The following IGF2BP3 variants were observed in gnomAD, a reference collection of about 807,000 sequenced individuals.
IGF2BP3 encodes insulin-like growth factor 2 mRNA-binding protein 3.
A neutral mutation model predicts 73.8 loss-of-function variants in IGF2BP3; 9 were observed. The observed-to-expected ratio is 0.12, with a 90% CI of 0.07 to 0.21. The LOEUF (loss-of-function observed/expected upper bound fraction) is 0.21, where lower values mean the gene tolerates loss of function less well. Among genes scored for constraint, IGF2BP3 ranks in the 10% least tolerant of loss-of-function variants. The probability of loss-of-function intolerance (pLI) is 1.00; values close to 1 mark genes in which losing one functional copy is unlikely to be tolerated. For synonymous variants in IGF2BP3, 258 were observed against 256.7 expected (o/e 1.01, Z -0.05); for missense variants, 542 against 714.0 (o/e 0.76, Z 2.75).
chr7:23,356,625 A>C (rs774843738), intron 5 of IGF2BP3, among the ~76,000 whole-genome samples: 5 of 152,168 alleles, frequency 3.3e-5, no homozygotes, highest in Non-Finnish European at 5.9e-5. Context: ...TTATTCCCAG[A>C]TATCACCCTG....
intron 2 of IGF2BP3, among the ~76,000 whole-genome samples, chr7:23,425,644 T>C (rs1202356366): frequency 6.6e-6 from 1 of 152,156 alleles, no homozygotes; most frequent in Admixed American, 6.5e-5. Flanking sequence ...TAATGTATAA[T>C]TTGTTTATAT....
At position 23,470,052 on chromosome 7, in the gene IGF2BP3, C is replaced by A. The variant is rs751758650; in HGVS notation, c.59G>T (p.Ser20Ile). 1 of 1,611,472 alleles carries A rather than the reference C, an allele frequency of 6.2e-7. No homozygotes were observed. The highest frequency in any genetic ancestry group is 1.1e-5 in the South Asian group (1 of 90,780). Residue 20 changes from serine (S) to isoleucine (I), a missense_variant, in exon 1 of 15, where the codon AGT becomes ATT. By Grantham distance (142) the Ser-to-Ile change is moderately radical. This residue lies in a region of IGF2BP3 where 239 missense variants were observed against 241.9 expected (regional missense o/e 0.99). Transcript: ENST00000258729. Reference sequence around the variant, plus strand: ...CGGGATCTTGGCGTCCTTGAAGATACTTTCTAGGTCCGAGGGGGCGGCGTT... The same window carrying A: ...CGGGATCTTGGCGTCCTTGAAGATAATTTCTAGGTCCGAGGGGGCGGCGTT... ...SENAAPSDLE[S>I]IFKDAKIPVS...
chr7:23,345,864 G>T, intron 8 of IGF2BP3, 76 bp downstream of exon 8: 1 of 1,510,300 alleles, frequency 6.6e-7, no homozygotes. Flanking sequence ...TGTAAAGTGG[G>T]AAGCTAAGCC....
Position 23,469,874 on chromosome 7 carries a change from G to A in IGF2BP3, c.175+62C>T, listed in dbSNP as rs1788673420. 9 of 1,219,424 alleles carry A rather than the reference G, an allele frequency of 7.4e-6. No homozygotes were observed. Among genetic ancestry groups the A allele is most frequent in the Middle Eastern group, 3.1e-4 (1 of 3,244 alleles). The allele number at this position is 1,219,424 out of a possible 1,614,324, so 75.5% of individuals were successfully genotyped here. On this transcript the variant is annotated intron_variant, in intron 1 of 14. Transcript: ENST00000258729. This position sits in a 1 kb window ranked among gnomAD's most constrained non-coding sequence, Gnocchi z 6.1. Reference sequence around the variant, plus strand: ...CCTGGGGCCCGCGGAGCCACCCGGTGGGCCTGGGCGGGCGGTGCAGGGCTG... The same window carrying A: ...CCTGGGGCCCGCGGAGCCACCCGGTAGGCCTGGGCGGGCGGTGCAGGGCTG...
intron 2 of IGF2BP3, among the ~76,000 whole-genome samples, chr7:23,423,299 A>G (rs186798542): frequency 6.6e-6 from 1 of 152,324 alleles, no homozygotes; most frequent in Non-Finnish European, 1.5e-5. Context: ...AGAAAAATCT[A>G]TCTCAGTCAG....
At chr7:23,402,035 T>C (rs1266321919) in intron 3 of IGF2BP3, among the ~76,000 whole-genome samples, 2 of 151,772 alleles carry the variant, frequency 1.3e-5, no homozygotes, top group Non-Finnish European at 2.9e-5. Context: ...GAGAATCACT[T>C]GAACCCAGGA....
intron 2 of IGF2BP3, among the ~76,000 whole-genome samples, chr7:23,457,387 C>T (rs1288747874): frequency 6.6e-6 from 1 of 151,788 alleles, no homozygotes; most frequent in African/African-American, 2.4e-5. Context: ...ATCCCTTGAA[C>T]CCGGCAGGTG....
chr7:23,313,447 G>T, intron 13 of IGF2BP3, 75 bp downstream of exon 13: 1 of 1,502,226 alleles, frequency 6.7e-7, no homozygotes, highest in Non-Finnish European at 8.9e-7. Context: ...CCAAAATTCG[G>T]GGACTTGGAA....
intron 3 of IGF2BP3, among the ~76,000 whole-genome samples, chr7:23,410,818 AG>A (rs1388973909): frequency 6.6e-6 from 1 of 152,196 alleles, no homozygotes; most frequent in Non-Finnish European, 1.5e-5. Context: ...ACCCTTTGGG[AG>A]GAAGTTTTCT....
At chr7:23,423,327 T>A (rs1346069332) in intron 2 of IGF2BP3, among the ~76,000 whole-genome samples, 1 of 152,248 alleles carries the variant, frequency 6.6e-6, no homozygotes, top group Non-Finnish European at 1.5e-5. Flanking sequence ...ATTAAAATAC[T>A]CTACTGCTTC....
At chr7:23,316,856 T>G (rs1477281590) in intron 12 of IGF2BP3, among the ~76,000 whole-genome samples, 1 of 152,164 alleles carries the variant, frequency 6.6e-6, no homozygotes, top group Non-Finnish European at 1.5e-5. Context: ...TCATCCATAG[T>G]CTGTTGAATA....
chr7:23,346,392 C>A (rs192488218), intron 7 of IGF2BP3, among the ~76,000 whole-genome samples: 21 of 152,186 alleles, frequency 1.4e-4, no homozygotes, highest in Non-Finnish European at 2.2e-4. Flanking sequence ...CCATCCAGTA[C>A]AAATATACAC....
At chr7:23,341,163 T>G (rs1562685293) in intron 10 of IGF2BP3, among the ~76,000 whole-genome samples, 1 of 152,162 alleles carries the variant, frequency 6.6e-6, no homozygotes, top group Admixed American at 6.5e-5. Flanking sequence ...GATTTATTTC[T>G]TATATAACCT....
intron 10 of IGF2BP3, among the ~76,000 whole-genome samples, chr7:23,326,109 T>C (rs1368466607): frequency 6.6e-6 from 1 of 152,012 alleles, no homozygotes; most frequent in Non-Finnish European, 1.5e-5. Context: ...CAAAAGAAAC[T>C]ACCATCAGAG....
intron 2 of IGF2BP3, among the ~76,000 whole-genome samples, chr7:23,463,936 A>T (rs1285999784): frequency 3.9e-5 from 6 of 152,222 alleles, no homozygotes. Flanking sequence ...TAATTATTTA[A>T]CCAGCCAAGA....
At chr7:23,318,981 C>A (rs968445692) in intron 11 of IGF2BP3, among the ~76,000 whole-genome samples, 157 bp downstream of exon 11, 1 of 152,206 alleles carries the variant, frequency 6.6e-6, no homozygotes, top group Admixed American at 6.5e-5. Flanking sequence ...AAGTTAGCCT[C>A]CTTGGTGTAA....
At chr7:23,356,559 T>C (rs1785101105) in intron 5 of IGF2BP3, among the ~76,000 whole-genome samples, 1 of 152,170 alleles carries the variant, frequency 6.6e-6, no homozygotes, top group Non-Finnish European at 1.5e-5. Context: ...TGAGAACCTG[T>C]CTCAAAAAAT....
At chr7:23,464,359 T>G (rs1263496399) in intron 2 of IGF2BP3, among the ~76,000 whole-genome samples, 1 of 152,262 alleles carries the variant, frequency 6.6e-6, no homozygotes, top group Non-Finnish European at 1.5e-5. Context: ...CCACTTTTAC[T>G]GTGGTAAATA....
intron 3 of IGF2BP3, among the ~76,000 whole-genome samples, chr7:23,410,246 A>G (rs1173642369): frequency 6.6e-6 from 1 of 152,084 alleles, no homozygotes. Context: ...AGTCCCAGCT[A>G]CTGGGGAGGC....
Sources: allele counts gnomAD v4.1 joint callset (sites outside exome capture counted in the v4.1 genomes callset), GRCh38; gene constraint gnomAD v4.1.1; regional missense constraint gnomAD v4.1.1; non-coding constraint Gnocchi (gnomAD v3.1); transcripts MANE v1.5; gene names NCBI Gene and HGNC (gene_info 2026-07-23, HGNC 2026-07-21).